Variants in TTC39A observed in about 807,000 individuals in gnomAD.
The protein encoded by TTC39A is tetratricopeptide repeat domain 39A.
TTC39A carries 46 observed loss-of-function variants against 82.3 expected under a neutral mutation model. That is an observed-to-expected ratio of 0.56 (90% confidence interval 0.44 to 0.71). The LOEUF (loss-of-function observed/expected upper bound fraction) is 0.71. Ranked by LOEUF, TTC39A falls within the 30% of genes least tolerant of loss-of-function variation. TTC39A has a pLI of 0.00. For synonymous variants in TTC39A, 254 were observed against 275.2 expected, an observed-to-expected ratio of 0.92 and a Z score of 0.76; for missense variants, 543 against 712.9, an observed-to-expected ratio of 0.76 and a Z score of 2.71.
intron 13 of TTC39A, among the ~76,000 whole-genome samples, chr1:51,295,320 T>C (rs987219205): frequency 3.9e-5 from 6 of 152,166 alleles, no homozygotes; most frequent in Admixed American, 3.9e-4. Context: ...AAATGCCCTA[T>C]TATTGTGACA....
At chr1:51,338,543 A>G (rs1397789679) in intron 1 of TTC39A, among the ~76,000 whole-genome samples, 2 of 148,368 alleles carry the variant, frequency 1.3e-5, no homozygotes, top group Non-Finnish European at 3.0e-5. Flanking sequence ...GCAAAGGAGG[A>G]GAGAAGGGGA....
chr1:51,320,925 T>A (rs1237753780), intron 2 of TTC39A, among the ~76,000 whole-genome samples: 2 of 145,976 alleles, frequency 1.4e-5, no homozygotes, highest in Admixed American at 1.4e-4. Flanking sequence ...CAAGCTGGAG[T>A]GCAGTGGCAC....
At chr1:51,327,234 G>A (rs1026785225) in intron 1 of TTC39A, among the ~76,000 whole-genome samples, 5 of 152,152 alleles carry the variant, frequency 3.3e-5, no homozygotes, top group African/African-American at 1.2e-4. Context: ...GTGAGGCGGC[G>A]GAGCGGTCGC....
chr1:51,291,247 T>G (rs1418939596), intron 14 of TTC39A, among the ~76,000 whole-genome samples: 1 of 152,014 alleles, frequency 6.6e-6, no homozygotes, highest in Non-Finnish European at 1.5e-5. Context: ...TCCCAGCACT[T>G]TGGGAGGCCG....
intron 14 of TTC39A, among the ~76,000 whole-genome samples, chr1:51,291,232 T>TG (rs1173455886): frequency 2.6e-5 from 4 of 152,326 alleles, no homozygotes; most frequent in Middle Eastern, 3.4e-3. Context: ...GGCTCACGCC[T>TG]GTAATCCCAG....
Position 51,303,063 on chromosome 1 carries a change from CAG to C in TTC39A, c.763+19_763+20del. On this transcript the variant is annotated intron_variant, in intron 9 of 17. Transcript: ENST00000680483. ...TGGAGACGACCAAACCCCAGGGCCC[CAG>C]GTCCCCCTGTACACCTACCGAGCAC... 6.4e-7 allele frequency: 1 copy of C among 1,565,888 alleles called. No homozygotes were observed. Among genetic ancestry groups the C allele is most frequent in the Non-Finnish European group, 8.7e-7 (1 of 1,155,180 alleles).
upstream of TTC39A, chr1:51,331,161 G>C (rs1255390891): frequency 6.5e-7 from 1 of 1,537,036 alleles, no homozygotes; most frequent in South Asian, 1.2e-5. Flanking sequence ...CACCTAATAA[G>C]TGGCAAGCTA....
intron 14 of TTC39A, among the ~76,000 whole-genome samples, chr1:51,292,147 ACTCCAGCC>A (rs1337313511): frequency 2.0e-5 from 3 of 152,136 alleles, no homozygotes; most frequent in African/African-American, 7.2e-5. Flanking sequence ...TCACCACTAC[ACTCCAGCC>A]TGCATGACAG....
chr1:51,321,931 T>G lies in TTC39A; in HGVS notation c.42-106A>C. The G allele has an allele frequency of 7.4e-7, 1 of 1,344,932 alleles. No homozygotes were observed. The highest frequency in any genetic ancestry group is 2.1e-5 in the Admixed American group (1 of 48,336). The allele number at this position is 1,344,932 out of a possible 1,614,324, so 83.3% of individuals were successfully genotyped here. ...TCTACTCAGCCTCCCTGGCCAGCCT[T>G]GGGTGCCTGTCACGAGCTCCTCCAG... On this transcript the variant is annotated intron_variant, in intron 1 of 17. Transcript: ENST00000680483. The surrounding 1 kb of genome is among the most constrained non-coding windows in gnomAD (Gnocchi z 4.6).
At chr1:51,339,005 C>A (rs775467201) in intron 1 of TTC39A, among the ~76,000 whole-genome samples, 4 of 152,208 alleles carry the variant, frequency 2.6e-5, no homozygotes, top group Non-Finnish European at 5.9e-5. Context: ...TACTCATTTA[C>A]TTGGCAGTTT....
chr1:51,315,662 C>A (rs1307175465), intron 2 of TTC39A, among the ~76,000 whole-genome samples: 2 of 152,224 alleles, frequency 1.3e-5, no homozygotes, highest in Non-Finnish European at 2.9e-5. Flanking sequence ...CTGTCCATCA[C>A]CCTGCCTTCT....
At chr1:51,289,612 T>C (rs1644124797) in intron 16 of TTC39A, among the ~76,000 whole-genome samples, 1 of 152,220 alleles carries the variant, frequency 6.6e-6, no homozygotes, top group African/African-American at 2.4e-5. Flanking sequence ...TTTAGGTCCC[T>C]TCTTGGGGCA....
chr1:51,342,929 C>T (rs1456929188), intron 1 of TTC39A: 1 of 418,390 alleles, frequency 2.4e-6, no homozygotes, highest in Non-Finnish European at 5.0e-6. Flanking sequence ...ACCCATACCC[C>T]AGCATCTCTC....
chr1:51,317,486 C>T (rs1411236361), intron 2 of TTC39A, among the ~76,000 whole-genome samples: 3 of 152,230 alleles, frequency 2.0e-5, no homozygotes, highest in Non-Finnish European at 4.4e-5. Flanking sequence ...CGCTGGCTCA[C>T]GCCTGTAATC....
In TTC39A at chr1:51,294,278, C is replaced by T. The variant is rs1644328280; in HGVS notation, c.1266+113G>A. The stretch of plus-strand genomic sequence containing the variant: ...GGTGAATTGTGAAACCCTCCCCAGG[C>T]CCCTGAGGCATGAAGGTCTTTCTCC... On this transcript the variant is annotated intron_variant, in intron 14 of 17. Transcript: ENST00000680483. This position sits in a 1 kb window ranked among gnomAD's most constrained non-coding sequence, Gnocchi z 4.3. 6.6e-7 allele frequency: 1 copy of T among 1,525,512 alleles called. No homozygotes were observed. Among genetic ancestry groups the T allele is most frequent in the Non-Finnish European group, 8.9e-7 (1 of 1,129,678 alleles). The allele number at this position is 1,525,512 out of a possible 1,614,324, so 94.5% of individuals were successfully genotyped here. A position where few individuals can be genotyped will look rare whatever the true frequency, so the allele number is the denominator to read the frequency against.
chr1:51,289,662 G>A (rs569953512), intron 16 of TTC39A, among the ~76,000 whole-genome samples: 61 of 152,282 alleles, frequency 4.0e-4, no homozygotes, highest in African/African-American at 1.4e-3. Context: ...TGGCCCTGAC[G>A]AGCCTTGGTT....
chr1:51,298,440 G>C (rs1220316089), intron 12 of TTC39A: 1 of 152,704 alleles, frequency 6.5e-6, no homozygotes, highest in Non-Finnish European at 1.5e-5. Context: ...GCCTCTGCCT[G>C]TGCTGCTCCT....
Position 51,306,048 on chromosome 1 carries a change from G to C in TTC39A, c.517C>G (p.Gln173Glu). Residue 173 changes from glutamine to glutamate, a missense_variant, in exon 7 of 18, where the codon CAA becomes GAA. By Grantham distance (29) the Gln-to-Glu change is conservative (BLOSUM62 2). Coordinates refer to ENST00000680483, the MANE Select transcript of TTC39A (RefSeq NM_001297663.2). ...KELDSLVQSS[Q>E]YCKGENHPHF... Reference sequence around the variant, plus strand: ...GGGTGGTTCTCACCCTTGCAGTATTGTGAGGACTGAACAAGGCTGTCCAGC... The same window carrying C: ...GGGTGGTTCTCACCCTTGCAGTATTCTGAGGACTGAACAAGGCTGTCCAGC... 13 of 1,613,986 alleles carry C rather than the reference G, an allele frequency of 8.1e-6. No individual in the cohort carries two copies. Among genetic ancestry groups the C allele is most frequent in the Non-Finnish European group, 1.1e-5 (13 of 1,179,860 alleles).
chr1:51,303,832 A>G (rs1644773522), intron 8 of TTC39A, among the ~76,000 whole-genome samples: 1 of 152,156 alleles, frequency 6.6e-6, no homozygotes, highest in Non-Finnish European at 1.5e-5. Flanking sequence ...GCCAGGCCAC[A>G]CTGCCTCACC....
Sources: gnomAD v4.1 joint callset for allele counts (sites outside exome capture counted in the v4.1 genomes callset) on GRCh38, gnomAD v4.1.1 for gene constraint, Gnocchi (gnomAD v3.1) non-coding constraint, MANE v1.5 for transcripts, NCBI Gene and HGNC (gene_info 2026-07-23, HGNC 2026-07-21) for gene names.